The following RERG variants were observed in gnomAD, a reference collection of about 807,000 sequenced individuals.
The protein encoded by RERG is RAS like estrogen regulated growth inhibitor, also known as ras-related and estrogen-regulated growth inhibitor.
RERG carries 25 observed loss-of-function variants against 23.2 expected under a neutral mutation model. The observed-to-expected ratio is 1.08, with a 90% confidence interval of 0.79 to 1.50. RERG has a LOEUF of 1.50. RERG is among the 40% of genes most tolerant of loss of function. RERG has a pLI of 0.00. For missense variants in RERG, 253 were observed against 250.1 expected (o/e 1.01, Z -0.08); for synonymous variants, 81 against 89.1 (o/e 0.91, Z 0.51).
chr12:15,134,984 G>C (rs577679748), intron 2 of RERG, among the ~76,000 whole-genome samples: 13 of 152,210 alleles, frequency 8.5e-5, no homozygotes, highest in African/African-American at 2.9e-4. Flanking sequence ...CAATTGTATT[G>C]AATCTGTAGA....
chr12:15,212,836 T>C (rs1865387591), intron 2 of RERG, among the ~76,000 whole-genome samples: 1 of 152,150 alleles, frequency 6.6e-6, no homozygotes, highest in Non-Finnish European at 1.5e-5. Flanking sequence ...AAAAGTCACA[T>C]TTAAAATTAG....
At chr12:15,152,069 AGGT>A (rs1864452492) in intron 2 of RERG, 4 of 152,214 alleles carry the variant, frequency 2.6e-5, no homozygotes, top group Non-Finnish European at 4.4e-5. Flanking sequence ...AAATTGCAAA[AGGT>A]AAATGCTGTT....
chr12:15,202,684 A>C (rs1327897502), intron 2 of RERG, among the ~76,000 whole-genome samples: 1 of 151,524 alleles, frequency 6.6e-6, no homozygotes, highest in African/African-American at 2.4e-5. Context: ...CATTTTCTTT[A>C]TTCATTTGTA....
At chr12:15,213,699 T>G (rs1865400117) in intron 2 of RERG, among the ~76,000 whole-genome samples, 1 of 152,186 alleles carries the variant, frequency 6.6e-6, no homozygotes, top group African/African-American at 2.4e-5. Context: ...ATTATTAAAT[T>G]TTTGCCTTTG....
intron 3 of RERG, among the ~76,000 whole-genome samples, chr12:15,117,824 A>G (rs7296642): frequency 0.67 from 101,073 of 151,784 alleles, 33,752 homozygotes; most frequent in Admixed American, 0.74. Context: ...ATCCATTCAG[A>G]ACATGGATCC....
At chr12:15,194,386 C>T (rs537435016) in intron 2 of RERG, among the ~76,000 whole-genome samples, 1 of 152,172 alleles carries the variant, frequency 6.6e-6, no homozygotes, top group East Asian at 1.9e-4. Flanking sequence ...TTGTCTGCTA[C>T]TCCTCGGTTC....
At chr12:15,161,186 GA>G (rs777278868) in intron 2 of RERG, among the ~76,000 whole-genome samples, 1 of 146,686 alleles carries the variant, frequency 6.8e-6, no homozygotes, top group Non-Finnish European at 1.5e-5. Context: ...AAGAAAGAAA[GA>G]AAGAAAGAAA....
In RERG at chr12:15,107,905, C is replaced by A. The variant is rs916850812; in HGVS notation, c.*1205G>T. On this transcript the variant is annotated 3_prime_UTR_variant, in exon 5 of 5. Transcript: ENST00000256953. ...CGCTTACAAATTTTTATACATATAT[C>A]TATGCATTTATAAATACATACATAT... 1 of 152,474 alleles carries A rather than the reference C, an allele frequency of 6.6e-6. No individual in the cohort carries two copies. The highest frequency in any genetic ancestry group is 1.5e-5 in the Non-Finnish European group (1 of 67,976). 9.4% of individuals were successfully genotyped at this position (152,474 alleles called of 1,614,324 possible).
chr12:15,145,045 G>A (rs565541744), intron 2 of RERG, among the ~76,000 whole-genome samples: 2 of 152,258 alleles, frequency 1.3e-5, no homozygotes, highest in East Asian at 1.9e-4. Flanking sequence ...ACTCCCCACA[G>A]GGAAGGTAAA....
chr12:15,139,632 A>T (rs1864202011), intron 2 of RERG, among the ~76,000 whole-genome samples: 1 of 152,200 alleles, frequency 6.6e-6, no homozygotes, highest in African/African-American at 2.4e-5. Context: ...TTGCTAGTAT[A>T]TAGAAAAGCA....
intron 4 of RERG, among the ~76,000 whole-genome samples, chr12:15,110,473 T>TTTTTTTTTTG (rs1863589896): frequency 8.2e-6 from 1 of 122,142 alleles, no homozygotes; most frequent in Non-Finnish European, 1.7e-5. Context: ...CTTTTTTTTT[T>TTTTTTTTTTG]TTTTTTTTTT....
intron 2 of RERG, among the ~76,000 whole-genome samples, chr12:15,144,577 G>A (rs951484839): frequency 6.6e-6 from 1 of 152,188 alleles, no homozygotes; most frequent in Non-Finnish European, 1.5e-5. Context: ...TTCAAATGTT[G>A]CAAATAAACA....
chr12:15,179,606 A>T (rs563824487), intron 2 of RERG, among the ~76,000 whole-genome samples: 1 of 152,342 alleles, frequency 6.6e-6, no homozygotes, highest in East Asian at 1.9e-4. Flanking sequence ...TTTCCCCCAA[A>T]AATTGTTAGG....
intron 2 of RERG, among the ~76,000 whole-genome samples, chr12:15,176,183 C>T (rs1864848926): frequency 6.6e-6 from 1 of 152,058 alleles, no homozygotes; most frequent in South Asian, 2.1e-4. Context: ...TAAAGGAAAA[C>T]AAAGTTTAAT....
At chr12:15,205,642 C>T (rs1302775548) in intron 2 of RERG, among the ~76,000 whole-genome samples, 1 of 146,332 alleles carries the variant, frequency 6.8e-6, no homozygotes, top group Non-Finnish European at 1.5e-5. Flanking sequence ...AAAAATAACT[C>T]AATTACTTTT....
intron 2 of RERG, chr12:15,138,061 T>C: frequency 3.5e-6 from 1 of 285,200 alleles, no homozygotes; most frequent in East Asian, 8.4e-5. Flanking sequence ...GATTTTCTTT[T>C]TGTCAAAATG....
At chr12:15,113,106 T>C (rs899501811) in intron 3 of RERG, among the ~76,000 whole-genome samples, 16 of 152,200 alleles carry the variant, frequency 1.1e-4, no homozygotes, top group Non-Finnish European at 2.2e-4. Flanking sequence ...GGCATTACAA[T>C]TCTAGATGAT....
rs1421518824 is a variant in RERG, at chr12:15,115,532, A to C, written c.119-4115T>G. On this transcript the variant is annotated intron_variant, in intron 3 of 4. Coordinates refer to ENST00000256953, the MANE Select transcript of RERG (RefSeq NM_032918.3). ...AATATAAGGCCTCCCACACACTAAT[A>C]ATAGCATAACACCATGAAACAGAGC... is the stretch of plus-strand genomic sequence containing the variant. Among the ~76,000 whole-genome samples the C allele has an allele frequency of 3.3e-5, 5 of 152,170 alleles. No individual in the cohort carries two copies. The South Asian group carries it at 6.2e-4, about 19-fold the overall frequency.
chr12:15,158,166 G>T (rs950726335), intron 2 of RERG, among the ~76,000 whole-genome samples: 1 of 152,026 alleles, frequency 6.6e-6, no homozygotes, highest in African/African-American at 2.4e-5. Context: ...TCCCAATCAT[G>T]CCCTTTCTAG....
Sources: gnomAD v4.1 joint callset for allele counts (sites outside exome capture counted in the v4.1 genomes callset) on GRCh38, gnomAD v4.1.1 for gene constraint, MANE v1.5 for transcripts, NCBI Gene and HGNC (gene_info 2026-07-23, HGNC 2026-07-21) for gene names.